The following INTS8 variants were observed in gnomAD, a reference collection of about 807,000 sequenced individuals.
INTS8 encodes the protein protein kaonashi-1.
In INTS8, 47 loss-of-function variants were observed where a neutral mutation model predicts 138.9. The ratio of observed to expected loss-of-function variants is 0.34; its 90% confidence interval spans 0.27 to 0.43. INTS8 has a LOEUF of 0.43. Ranked by LOEUF, INTS8 falls within the 20% of genes least tolerant of loss-of-function variation. The probability of loss-of-function intolerance (pLI) is 1.00; values close to 1 mark genes in which losing one functional copy is unlikely to be tolerated. For synonymous variants in INTS8, 392 were observed against 400.9 expected (o/e 0.98, Z 0.27); for missense variants, 996 against 1,173.0 (o/e 0.85, Z 2.20).
rs1193395125 is a variant in INTS8, at chr8:94,867,275, G to C, written c.2353-1G>C. The stretch of plus-strand genomic sequence containing the variant: ...TCACACCTTTTTTTTTCTTTTTAAA[G>C]GAGGACATTGTGAATGATATTACAG... On this transcript the variant is annotated splice_acceptor_variant, in intron 19 of 26. Coordinates refer to ENST00000523731, the MANE Select transcript of INTS8 (RefSeq NM_017864.4). LOFTEE classifies it high-confidence loss of function. 1.9e-6 allele frequency: 3 copies of C among 1,608,318 alleles called. No homozygotes were observed. The highest frequency in any genetic ancestry group is 2.5e-6 in the Non-Finnish European group (3 of 1,177,904).
intron 1 of INTS8, 28 bp downstream of exon 1, chr8:94,823,589 C>G: frequency 6.7e-7 from 1 of 1,494,754 alleles, no homozygotes. Flanking sequence ...ACCTGGGGAG[C>G]GGGACCCGGC....
Position 94,827,751 on chromosome 8 carries a change from T to C in INTS8, c.476T>C (p.Phe159Ser). 1.2e-6 allele frequency: 2 copies of C among 1,614,226 alleles called. No homozygotes were observed. Among genetic ancestry groups the C allele is most frequent in the Non-Finnish European group, 1.7e-6 (2 of 1,180,026 alleles). Reference sequence around the variant, plus strand: ...ATTAGGACAATTGTTCAAAGTAGTTTTCCAGTCAAACAGGCAAAACCCGGA... The same window carrying C: ...ATTAGGACAATTGTTCAAAGTAGTTCTCCAGTCAAACAGGCAAAACCCGGA... ...WAIRTIVQSS[F>S]PVKQAKPGPP... The change falls in exon 4 of 27, where the codon TTT (phenylalanine) becomes TCT (serine). Residue 159 changes from phenylalanine (F) to serine (S), a missense_variant. By Grantham distance (155) the Phe-to-Ser change is radical. Coordinates refer to ENST00000523731, the MANE Select transcript of INTS8 (RefSeq NM_017864.4).
At chr8:94,867,506 G>T in intron 20 of INTS8, 169 bp downstream of exon 20, 1 of 542,090 alleles carries the variant, frequency 1.8e-6, no homozygotes, top group South Asian at 2.8e-5. Flanking sequence ...TGTAAATTGT[G>T]GATAAGGCAT....
Position 94,873,379 on chromosome 8 carries a change from A to C in INTS8, c.2539A>C (p.Asn847His). ...IIQADIYFAT[N>H]QYSAALHYYL... is the part of the protein sequence containing the mutation. Reference sequence around the variant, plus strand: ...TGTCTGTTTTTCTGTTTCAGCAACGAATCAGTATTCAGCAGCTCTTCACTA... The same window carrying C: ...TGTCTGTTTTTCTGTTTCAGCAACGCATCAGTATTCAGCAGCTCTTCACTA... The change falls in exon 22 of 27, where the codon AAT becomes CAT. Residue 847 changes from asparagine (N) to histidine (H), a missense_variant. Asn to His is a moderately conservative substitution (Grantham distance 68). Coordinates refer to ENST00000523731, the MANE Select transcript of INTS8 (RefSeq NM_017864.4). 1 of 1,611,952 alleles carries C rather than the reference A, an allele frequency of 6.2e-7. No individual in the cohort carries two copies.
intron 10 of INTS8, 92 bp downstream of exon 10, chr8:94,842,580 T>C (rs1815174709): frequency 3.8e-6 from 4 of 1,041,334 alleles, no homozygotes; most frequent in South Asian, 1.7e-5. Flanking sequence ...CCTTTTTTCC[T>C]GTCTGCCTTG....
chr8:94,861,283 A>C, intron 16 of INTS8, among the ~76,000 whole-genome samples: 1 of 7,250 alleles, frequency 1.4e-4, no homozygotes. Context: ...TTTTTTTGAG[A>C]CGGAGTCTCG....
chr8:94,836,081 T>TA (rs1315694207), intron 6 of INTS8, among the ~76,000 whole-genome samples: 1 of 152,134 alleles, frequency 6.6e-6, no homozygotes, highest in Non-Finnish European at 1.5e-5. Context: ...TGGTGGTGGG[T>TA]AGCGGCAACA....
Position 94,881,723 on chromosome 8 carries a change from G to T in INTS8, c.*1489G>T. On this transcript the variant is annotated 3_prime_UTR_variant, in exon 27 of 27. Transcript: ENST00000523731. ...TGACAACTGTCCCCCTTTTCTGAAG[G>T]TGTTTATGTAATTTACTTCCTCCTA... 1 of 1,613,628 alleles carries T rather than the reference G, an allele frequency of 6.2e-7. No homozygotes were observed. The highest frequency in any genetic ancestry group is 8.5e-7 in the Non-Finnish European group (1 of 1,179,742).
intron 16 of INTS8, among the ~76,000 whole-genome samples, chr8:94,860,960 G>C (rs1815942106): frequency 6.6e-6 from 1 of 151,066 alleles, no homozygotes; most frequent in Non-Finnish European, 1.5e-5. Flanking sequence ...GGGAGGCTGA[G>C]GCAGGAGAAT....
chr8:94,826,893 C>G (rs1320236965), intron 2 of INTS8, among the ~76,000 whole-genome samples: 1 of 152,150 alleles, frequency 6.6e-6, no homozygotes, highest in African/African-American at 2.4e-5. Context: ...ATCACAAGGT[C>G]AGGAGATGGA....
chr8:94,851,723 C>T (rs989608686), intron 13 of INTS8, 37 bp downstream of exon 13: 8 of 1,526,028 alleles, frequency 5.2e-6, no homozygotes, highest in Admixed American at 2.5e-5. Flanking sequence ...GAAAATTGCC[C>T]TTGTTTTCTG....
chr8:94,832,950 G>A (rs1370893468), intron 6 of INTS8, among the ~76,000 whole-genome samples: 1 of 151,820 alleles, frequency 6.6e-6, no homozygotes, highest in Admixed American at 6.6e-5. Context: ...CACCGCGCCC[G>A]GCCGTTGTCA....
chr8:94,862,155 A>G (rs570700914), intron 16 of INTS8, among the ~76,000 whole-genome samples: 1 of 149,016 alleles, frequency 6.7e-6, no homozygotes, highest in Admixed American at 6.7e-5. Flanking sequence ...TTGCCATGGC[A>G]GGTCTAGAAC....
intron 13 of INTS8, among the ~76,000 whole-genome samples, chr8:94,852,597 T>C (rs1185080915): frequency 6.6e-6 from 1 of 152,038 alleles, no homozygotes; most frequent in African/African-American, 2.4e-5. Context: ...TGGTTTGTTT[T>C]TTTTTTTTGA....
At chr8:94,827,131 C>T (rs1317046785) in intron 2 of INTS8, 132 bp from the exon 3 acceptor site, 7 of 795,372 alleles carry the variant, frequency 8.8e-6, no homozygotes, top group Non-Finnish European at 1.4e-5. Context: ...AACTTTTTCA[C>T]ATTTGATAGC....
At position 94,865,251 on chromosome 8, in the gene INTS8, C is replaced by T. The variant is rs1359068621; in HGVS notation, c.2077-255C>T. Among the ~76,000 whole-genome samples, 4 of 151,760 alleles carry T rather than the reference C, an allele frequency of 2.6e-5. No individual in the cohort carries two copies. In the East Asian group the frequency reaches 5.8e-4, roughly 22 times the overall value. ...CTATCTCTTTGCGTTGTCTCATTTT[C>T]GTTTTCATTAGACTATAACTGTTCA... On this transcript the variant is annotated intron_variant, in intron 16 of 26. Transcript: ENST00000523731.
chr8:94,870,993 G>C (rs79010759), intron 20 of INTS8, among the ~76,000 whole-genome samples: 4,049 of 152,174 alleles, frequency 0.027, 71 homozygotes, highest in Non-Finnish European at 0.04. Flanking sequence ...GGGGCTGCCA[G>C]ATGCACTGAT....
chr8:94,853,442 T>G (rs1815625951), intron 13 of INTS8, among the ~76,000 whole-genome samples: 1 of 152,220 alleles, frequency 6.6e-6, no homozygotes, highest in African/African-American at 2.4e-5. Flanking sequence ...CGTATAATCT[T>G]GAACAAGTTA....
chr8:94,849,108 T>A (rs1235710834), intron 10 of INTS8, among the ~76,000 whole-genome samples: 1 of 152,138 alleles, frequency 6.6e-6, no homozygotes, highest in Non-Finnish European at 1.5e-5. Flanking sequence ...TTTAAAAATT[T>A]TTTATTTTTT....
Sources: allele counts gnomAD v4.1 joint callset (sites outside exome capture counted in the v4.1 genomes callset), GRCh38; gene constraint gnomAD v4.1.1; transcripts MANE v1.5; gene names NCBI Gene and HGNC (gene_info 2026-07-23, HGNC 2026-07-21).